TRDN: variants seen among roughly 807,000 people sequenced by gnomAD.
The protein encoded by TRDN is triadin in skeletal muscle.
TRDN carries 161 observed loss-of-function variants against 149.7 expected under a neutral mutation model. The observed-to-expected ratio is 1.08, with a 90% confidence interval of 0.95 to 1.23. The LOEUF is 1.23. TRDN is among the 50% of genes most tolerant of loss of function. The pLI is 0.00. For missense variants in TRDN, 896 were observed against 823.5 expected, an observed-to-expected ratio of 1.09 and a Z score of -1.08; for synonymous variants, 294 against 250.5, an observed-to-expected ratio of 1.17 and a Z score of -1.64.
chr6:123,528,145 C>G (rs925849613), intron 5 of TRDN, among the ~76,000 whole-genome samples: 1 of 151,772 alleles, frequency 6.6e-6, no homozygotes, highest in Non-Finnish European at 1.5e-5. Context: ...ATAAAAGTAT[C>G]TAATTTCTTA....
intron 12 of TRDN, among the ~76,000 whole-genome samples, chr6:123,398,853 T>A (rs1772843605): frequency 1.3e-5 from 2 of 152,188 alleles, no homozygotes; most frequent in Non-Finnish European, 2.9e-5. Context: ...GAAATATGAA[T>A]AATGTATCAA....
intron 5 of TRDN, among the ~76,000 whole-genome samples, chr6:123,529,635 AGATAATTTT>A (rs1780131417): frequency 6.6e-6 from 1 of 152,088 alleles, no homozygotes; most frequent in African/African-American, 2.4e-5. Context: ...TATTTACTAC[AGATAATTTT>A]GCATTAGCTG....
At chr6:123,226,583 A>G (rs1277015178) in intron 38 of TRDN, among the ~76,000 whole-genome samples, 5 of 151,850 alleles carry the variant, frequency 3.3e-5, no homozygotes. Context: ...GTCACATGTC[A>G]ATCGCTCAGG....
chr6:123,332,254 G>T (rs1779687042), intron 22 of TRDN, among the ~76,000 whole-genome samples: 1 of 151,904 alleles, frequency 6.6e-6, no homozygotes, highest in Non-Finnish European at 1.5e-5. Context: ...GCATGCAGAA[G>T]TCTTCCAAAA....
chr6:123,267,973 G>A (rs1471074128), intron 31 of TRDN, among the ~76,000 whole-genome samples: 1 of 152,196 alleles, frequency 6.6e-6, no homozygotes, highest in East Asian at 1.9e-4. Flanking sequence ...ACATTTGGCT[G>A]AAAGACAGTA....
intron 9 of TRDN, among the ~76,000 whole-genome samples, chr6:123,478,290 CTTAG>C (rs1777591617): frequency 6.6e-6 from 1 of 151,986 alleles, no homozygotes; most frequent in South Asian, 2.1e-4. Context: ...TCTGTTTAAC[CTTAG>C]TTAGACGTTG....
chr6:123,303,171 A>G (rs1778490176), intron 24 of TRDN, among the ~76,000 whole-genome samples: 1 of 152,164 alleles, frequency 6.6e-6, no homozygotes, highest in African/African-American at 2.4e-5. Context: ...CAATTGTCCC[A>G]GAGCTCCTTC....
At chr6:123,220,021 CTTAAA>C (rs1447914412) in intron 40 of TRDN, among the ~76,000 whole-genome samples, 3 of 151,824 alleles carry the variant, frequency 2.0e-5, no homozygotes, top group South Asian at 2.1e-4. Flanking sequence ...AATATTAGAG[CTTAAA>C]TTAAAGGCTC....
chr6:123,453,590 T>TA (rs71021448), intron 10 of TRDN, among the ~76,000 whole-genome samples: 22,749 of 151,688 alleles, frequency 0.15, 2,200 homozygotes, highest in African/African-American at 0.28. Flanking sequence ...ATGGCCATAA[T>TA]AAAAAAAATA....
At chr6:123,449,888 G>A (rs189577075) in intron 10 of TRDN, among the ~76,000 whole-genome samples, 1 of 152,312 alleles carries the variant, frequency 6.6e-6, no homozygotes, top group Non-Finnish European at 1.5e-5. Context: ...AACCTTACAA[G>A]CCAGAAGGGA....
chr6:123,510,139 A>G (rs983436262), intron 7 of TRDN: 1 of 152,124 alleles, frequency 6.6e-6, no homozygotes, highest in Non-Finnish European at 1.5e-5. Flanking sequence ...ATAAAATTAC[A>G]TTTATTTATT....
At chr6:123,585,615 G>T (rs553103295) in intron 1 of TRDN, among the ~76,000 whole-genome samples, 3 of 152,300 alleles carry the variant, frequency 2.0e-5, no homozygotes, top group South Asian at 2.1e-4. Context: ...CAGAGTTCCA[G>T]GGGCTCTGGG....
chr6:123,586,323 G>A (rs1274302931), intron 1 of TRDN, among the ~76,000 whole-genome samples: 3 of 152,074 alleles, frequency 2.0e-5, no homozygotes, highest in East Asian at 3.9e-4. Context: ...GAAGAATTGG[G>A]ACCTAGCTCG....
intron 1 of TRDN, among the ~76,000 whole-genome samples, chr6:123,628,463 AT>A (rs1785791932): frequency 6.6e-6 from 1 of 152,036 alleles, no homozygotes; most frequent in African/African-American, 2.4e-5. Flanking sequence ...TCAAAGAACA[AT>A]GGTCACAGAT....
chr6:123,633,383 A>G (rs1005421582), intron 1 of TRDN, among the ~76,000 whole-genome samples: 2 of 152,194 alleles, frequency 1.3e-5, no homozygotes, highest in African/African-American at 4.8e-5. Flanking sequence ...GACATATCCA[A>G]TATGACTCTG....
intron 1 of TRDN, among the ~76,000 whole-genome samples, chr6:123,574,715 T>C (rs894592090): frequency 6.6e-6 from 1 of 151,640 alleles, no homozygotes; most frequent in Non-Finnish European, 1.5e-5. Context: ...TAGAGACTAT[T>C]TCTGTAAACA....
At chr6:123,582,659 G>T (rs1189788151) in intron 1 of TRDN, among the ~76,000 whole-genome samples, 1 of 152,130 alleles carries the variant, frequency 6.6e-6, no homozygotes, top group Admixed American at 6.5e-5. Flanking sequence ...ATCAGTTAAG[G>T]CAGGAACCCG....
chr6:123,359,217 T>A (rs1780804535), intron 20 of TRDN, among the ~76,000 whole-genome samples: 1 of 152,208 alleles, frequency 6.6e-6, no homozygotes, highest in Non-Finnish European at 1.5e-5. Context: ...AGGCTATCAC[T>A]TCCTGCTCCA....
intron 1 of TRDN, among the ~76,000 whole-genome samples, chr6:123,620,700 A>G (rs1202041349): frequency 6.6e-6 from 1 of 152,174 alleles, no homozygotes; most frequent in Non-Finnish European, 1.5e-5. Context: ...TGAGAGCTTA[A>G]GCTAGCAAAC....
Sources: allele counts gnomAD v4.1 joint callset (sites outside exome capture counted in the v4.1 genomes callset), GRCh38; gene constraint gnomAD v4.1.1; transcripts MANE v1.5; gene names NCBI Gene and HGNC (gene_info 2026-07-23, HGNC 2026-07-21).